Variants in RPH3AL observed in about 807,000 individuals in gnomAD.
RPH3AL encodes the protein rabphilin 3A like (without C2 domains), also known as rab effector Noc2.
RPH3AL carries 38 observed loss-of-function variants against 43.1 expected under a neutral mutation model. The observed-to-expected ratio is 0.88, with a 90% CI of 0.68 to 1.15. The LOEUF is 1.15. Among genes scored for constraint, RPH3AL ranks in the 50% most tolerant of loss-of-function variants. The pLI is 0.00. For missense variants in RPH3AL, 462 were observed against 423.2 expected (o/e 1.09, Z -0.81); for synonymous variants, 189 against 176.3 (o/e 1.07, Z -0.57).
At chr17:236,046 G>GGTCCAT (rs1226214093) in intron 7 of RPH3AL, among the ~76,000 whole-genome samples, 3 of 140,372 alleles carry the variant, frequency 2.1e-5, no homozygotes, top group African/African-American at 7.8e-5. Context: ...TAACAAGACG[G>GGTCCAT]GGGTCCCAGG....
chr17:311,244 G>A (rs1343795817), intron 5 of RPH3AL, among the ~76,000 whole-genome samples: 1 of 152,088 alleles, frequency 6.6e-6, no homozygotes, highest in African/African-American at 2.4e-5. Context: ...CCTCCTCCTC[G>A]GTCCACTGTT....
chr17:275,788 C>T (rs113657690), intron 6 of RPH3AL, among the ~76,000 whole-genome samples: 8,367 of 152,312 alleles, frequency 0.055, 315 homozygotes, highest in Non-Finnish European at 0.085. Context: ...CTCAAGCAAT[C>T]TGCCCACCTT....
chr17:272,703 A>T (rs138393417), intron 6 of RPH3AL, among the ~76,000 whole-genome samples: 2 of 151,616 alleles, frequency 1.3e-5, no homozygotes, highest in African/African-American at 4.8e-5. Flanking sequence ...ACAGGTATAC[A>T]GATGTAACGA....
At chr17:219,162 C>T (rs1271167287) in intron 8 of RPH3AL, among the ~76,000 whole-genome samples, 3 of 145,628 alleles carry the variant, frequency 2.1e-5, no homozygotes, top group Admixed American at 6.9e-5. Flanking sequence ...CAAAACCACT[C>T]TGTCCCTGGG....
intron 5 of RPH3AL, among the ~76,000 whole-genome samples, chr17:293,947 G>A (rs1211729888): frequency 6.6e-6 from 1 of 152,160 alleles, no homozygotes; most frequent in Non-Finnish European, 1.5e-5. Flanking sequence ...AGAACTGCTT[G>A]AAACCAGAAG....
rs1013399994 is a variant in RPH3AL, at chr17:328,978, G to A, written c.-36-1399C>T. 1.6e-4 allele frequency among the ~76,000 whole-genome samples: 24 copies of A among 152,288 alleles called. No individual in the cohort carries two copies. Among genetic ancestry groups the A allele is most frequent in the African/African-American group, 5.5e-4 (23 of 41,560 alleles). ...TGAGGAGTGGTTGTCAGGGGTTGCA[G>A]GAAGAGGGGAACAGACTCCCAGTGG... On this transcript the variant is annotated intron_variant, in intron 2 of 9. Transcript: ENST00000331302. This position sits in a 1 kb window ranked among gnomAD's most constrained non-coding sequence, Gnocchi z 4.2.
chr17:350,775 C>A (rs999858212), intron 1 of RPH3AL, among the ~76,000 whole-genome samples: 1 of 152,178 alleles, frequency 6.6e-6, no homozygotes, highest in Non-Finnish European at 1.5e-5. Context: ...ACCCTCTGAC[C>A]GCAGGCCCTG....
At chr17:219,781 C>G in intron 7 of RPH3AL, 45 bp from the exon 8 acceptor site, 2 of 1,446,258 alleles carry the variant, frequency 1.4e-6, no homozygotes, top group Non-Finnish European at 1.9e-6. Context: ...CGACCAGCCC[C>G]TACCTGCAGG....
rs1567604451 is a variant in RPH3AL at position 272,984 on chromosome 17, C to CGACA, written c.438+8783_438+8784insTGTC. Reference sequence around the variant, plus strand: ...CGTCAGGGTGAGACCCCAGCAAGGGCTACGTCAGGGTGAGACCCCAGCGAG... The same window carrying CGACA: ...CGTCAGGGTGAGACCCCAGCAAGGGCGACATACGTCAGGGTGAGACCCCAGCGAG... On this transcript the variant is annotated intron_variant, in intron 6 of 9. Coordinates refer to ENST00000331302, the MANE Select transcript of RPH3AL (RefSeq NM_006987.4). 9.2e-4 allele frequency among the ~76,000 whole-genome samples: 57 copies of CGACA among 61,890 alleles called. 2 individuals carry two copies. The highest frequency in any genetic ancestry group is 2.3e-3 in the African/African-American group (43 of 18,616). 40.6% of individuals were successfully genotyped at this position (61,890 alleles called of 152,430 possible).
intron 6 of RPH3AL, chr17:261,817 C>T (rs1237582321): frequency 6.6e-6 from 1 of 152,176 alleles, no homozygotes; most frequent in Non-Finnish European, 1.5e-5. Context: ...AACACAGGAT[C>T]CTGGAAACAG....
chr17:263,589 T>A (rs897223174), intron 6 of RPH3AL, among the ~76,000 whole-genome samples: 3 of 152,240 alleles, frequency 2.0e-5, no homozygotes, highest in African/African-American at 7.2e-5. Context: ...AACAGATTGG[T>A]AATTGGATGC....
chr17:217,802 C>T (rs8068755), intron 8 of RPH3AL, among the ~76,000 whole-genome samples: 9 of 87,942 alleles, frequency 1.0e-4, no homozygotes, highest in Non-Finnish European at 9.7e-5. Context: ...AATGAGGACC[C>T]CCAAGGCATT....
chr17:312,959 A>C (rs2043680178), intron 5 of RPH3AL, among the ~76,000 whole-genome samples: 1 of 152,186 alleles, frequency 6.6e-6, no homozygotes. Flanking sequence ...AGTCCCTCCC[A>C]TCTGGGCAGG....
intron 5 of RPH3AL, among the ~76,000 whole-genome samples, chr17:301,613 A>AT (rs1037687570): frequency 6.6e-6 from 1 of 151,270 alleles, no homozygotes; most frequent in Non-Finnish European, 1.5e-5. Context: ...AATTTTTTTC[A>AT]TTTTTTATTA....
At chr17:229,546 T>C (rs370231905) in intron 7 of RPH3AL, among the ~76,000 whole-genome samples, 24 of 152,302 alleles carry the variant, frequency 1.6e-4, no homozygotes, top group African/African-American at 5.3e-4. Context: ...AAGCAGCCCT[T>C]CTGAGCCACG....
chr17:234,792 G>C (rs1048549226), intron 7 of RPH3AL, among the ~76,000 whole-genome samples: 1 of 152,252 alleles, frequency 6.6e-6, no homozygotes, highest in East Asian at 1.9e-4. Flanking sequence ...AAATACGGGG[G>C]TGGGGAGTGG....
chr17:337,910 C>T (rs2045004209), intron 1 of RPH3AL, among the ~76,000 whole-genome samples: 1 of 152,334 alleles, frequency 6.6e-6, no homozygotes, highest in East Asian at 1.9e-4. Flanking sequence ...TCCAGTGGAC[C>T]CCAAATCCCT....
chr17:216,309 G>T (rs545170183), intron 8 of RPH3AL, among the ~76,000 whole-genome samples: 1 of 152,204 alleles, frequency 6.6e-6, no homozygotes, highest in Non-Finnish European at 1.5e-5. Context: ...GTCCAAGAAC[G>T]GGCCTGCAGG....
chr17:257,709 G>A (rs1161234680), intron 6 of RPH3AL, among the ~76,000 whole-genome samples: 2 of 51,808 alleles, frequency 3.9e-5, no homozygotes, highest in Non-Finnish European at 7.7e-5. Flanking sequence ...ACTACCCTAC[G>A]TACTTCCTAT....
Sources: allele counts gnomAD v4.1 joint callset (sites outside exome capture counted in the v4.1 genomes callset), GRCh38; gene constraint gnomAD v4.1.1; non-coding constraint Gnocchi (gnomAD v3.1); transcripts MANE v1.5; gene names NCBI Gene and HGNC (gene_info 2026-07-23, HGNC 2026-07-21).